Variants in DDX60L observed in about 807,000 individuals in gnomAD.
DDX60L encodes the protein DExD/H-box 60 like, also known as probable ATP-dependent RNA helicase DDX60-like.
DDX60L carries 191 observed loss-of-function variants against 211.6 expected under a neutral mutation model. The ratio of observed to expected loss-of-function variants is 0.90; its 90% CI spans 0.80 to 1.02. The LOEUF (loss-of-function observed/expected upper bound fraction) is 1.02, where lower values mean the gene tolerates loss of function less well. Among genes scored for constraint, DDX60L ranks in the 50% least tolerant of loss-of-function variants. The pLI is 0.00. For missense variants in DDX60L, 2,007 were observed against 1,984.1 expected (o/e 1.01, Z -0.22); for synonymous variants, 706 against 694.1 (o/e 1.02, Z -0.27).
rs750306081 is a variant in DDX60L, at chr4:168,361,207, G to A, written c.4933C>T (p.Arg1645Cys). ...AAACACTTTAAAAGCTGTCCCATAC[G>A]CATCCTAAAGAGAACAACATTTCTT... The part of the protein sequence containing the change: ...LTRLDQKNGM[R>C]MGQLLKCLKD... The change falls in exon 37 of 38, where the codon CGT (arginine) becomes TGT (cysteine). Residue 1645 changes from arginine to cysteine, a missense_variant. Coordinates refer to ENST00000682922, the MANE Select transcript of DDX60L (RefSeq NM_001012967.3). 12 of 1,575,408 alleles carry A rather than the reference G, an allele frequency of 7.6e-6. No individual in the cohort carries two copies. The Admixed American group carries it at 1.0e-4, about 13-fold the overall frequency.
At chr4:168,434,745 T>C (rs1579622464) in intron 10 of DDX60L, among the ~76,000 whole-genome samples, 1 of 152,210 alleles carries the variant, frequency 6.6e-6, no homozygotes, top group East Asian at 1.9e-4. Flanking sequence ...GGCATTCCAC[T>C]AAATTCTAAA....
chr4:168,439,775 T>A (rs1188860452), intron 10 of DDX60L, among the ~76,000 whole-genome samples: 1 of 152,228 alleles, frequency 6.6e-6, no homozygotes, highest in Non-Finnish European at 1.5e-5. Flanking sequence ...AGAACTACCA[T>A]AATCAACTTT....
At chr4:168,416,929 A>C (rs1181563677) in intron 19 of DDX60L, 132 bp from the exon 20 acceptor site, 42 of 499,782 alleles carry the variant, frequency 8.4e-5, no homozygotes, top group Non-Finnish European at 1.2e-4. Flanking sequence ...GAATGGTGAT[A>C]AATTCAGACA....
chr4:168,358,354 G>A, intron 37 of DDX60L, 78 bp from the exon 38 acceptor site: 1 of 1,096,682 alleles, frequency 9.1e-7, no homozygotes, highest in Non-Finnish European at 1.3e-6. Flanking sequence ...AAGGTTAGCA[G>A]AAGTAATTCC....
At chr4:168,449,652 C>CAAAAAAAAAAAAAGAAA (rs1278075854) in intron 8 of DDX60L, among the ~76,000 whole-genome samples, 1 of 7,936 alleles carries the variant, frequency 1.3e-4, no homozygotes, top group African/African-American at 6.1e-4. Context: ...AAAAAAAATG[C>CAAAAAAAAAAAAAGAAA]AAAAAAAAAA....
rs75254636 is a variant in DDX60L, at chr4:168,375,106, C to G, written c.4633+271G>C. Among the ~76,000 whole-genome samples the G allele has an allele frequency of 6.3e-3, 967 of 152,288 alleles. 12 individuals are homozygous for G. Among genetic ancestry groups the G allele is most frequent in the African/African-American group, 0.021 (883 of 41,576 alleles). On this transcript the variant is annotated intron_variant, in intron 34 of 37. Transcript: ENST00000682922. ...CCTGAACAGATAGGCAACTTTCCAT[C>G]AAAATGGTTCATGAATGACTTTTAT...
chr4:168,403,250 G>A (rs1747142482), intron 25 of DDX60L, among the ~76,000 whole-genome samples: 1 of 152,200 alleles, frequency 6.6e-6, no homozygotes, highest in Non-Finnish European at 1.5e-5. Flanking sequence ...ACGGACTTCG[G>A]ATGCGTAACA....
chr4:168,450,877 A>G (rs896848476), intron 8 of DDX60L, among the ~76,000 whole-genome samples: 1 of 152,200 alleles, frequency 6.6e-6, no homozygotes, highest in African/African-American at 2.4e-5. Flanking sequence ...ACAGCACTCC[A>G]GCCTGGGCAA....
chr4:168,370,531 G>A (rs545845390), intron 36 of DDX60L, among the ~76,000 whole-genome samples: 5 of 152,110 alleles, frequency 3.3e-5, no homozygotes, highest in African/African-American at 9.6e-5. Context: ...AGTAAGGTAC[G>A]TATAGTTAAC....
rs1036294524 is a variant in DDX60L, at chr4:168,432,871, T to G, written c.1400+139A>C. 3.7e-5 allele frequency: 19 copies of G among 515,086 alleles called. No individual in the cohort carries two copies. The African/African-American group carries it at 3.8e-4, about 10-fold the overall frequency. 31.9% of individuals were successfully genotyped at this position (515,086 alleles called of 1,614,324 possible). A position where few individuals can be genotyped will look rare whatever the true frequency, so the allele number is the denominator to read the frequency against. On this transcript the variant is annotated intron_variant, in intron 11 of 37. Transcript: ENST00000682922. Reference sequence around the variant, plus strand: ...TTGACATACTAGATGTTACAATCACTTAAATGTATTATAGTCACATTATAT... The same window carrying G: ...TTGACATACTAGATGTTACAATCACGTAAATGTATTATAGTCACATTATAT...
In DDX60L at chr4:168,371,764, C is replaced by A; in HGVS notation, c.4777-1G>T. The A allele has an allele frequency of 6.3e-7, 1 of 1,594,540 alleles. No homozygotes were observed. The highest frequency in any genetic ancestry group is 8.6e-7 in the Non-Finnish European group (1 of 1,166,616). ...TAACACCGACTGTGCGCAGGATGAC[C>A]TGAAGAAAGACATTTTCTATTACTT... On this transcript the variant is annotated splice_acceptor_variant, in intron 35 of 37. Transcript: ENST00000682922. LOFTEE classifies it high-confidence loss of function.
At chr4:168,379,077 AC>A (rs1742463775) in intron 32 of DDX60L, among the ~76,000 whole-genome samples, 1 of 152,144 alleles carries the variant, frequency 6.6e-6, no homozygotes, top group South Asian at 2.1e-4. Context: ...AAATCATATG[AC>A]CATCAGAAAC....
chr4:168,392,394 G>A (rs1305172080), intron 28 of DDX60L, among the ~76,000 whole-genome samples: 1 of 152,114 alleles, frequency 6.6e-6, no homozygotes, highest in Non-Finnish European at 1.5e-5. Flanking sequence ...ATTATTTAAT[G>A]ATAAAGAGTG....
intron 25 of DDX60L, among the ~76,000 whole-genome samples, chr4:168,403,442 T>G (rs1579410193): frequency 6.6e-6 from 1 of 152,342 alleles, no homozygotes; most frequent in East Asian, 1.9e-4. Context: ...TGGTTCTGAT[T>G]ATTAGAGTGG....
At chr4:168,468,898 A>T (rs1758369989) in intron 4 of DDX60L, 1 of 152,224 alleles carries the variant, frequency 6.6e-6, no homozygotes, top group Admixed American at 6.5e-5. Context: ...CTTGAAATAG[A>T]TTTAGCAAAA....
chr4:168,399,183 C>A (rs1278591603), intron 26 of DDX60L, among the ~76,000 whole-genome samples: 1 of 152,190 alleles, frequency 6.6e-6, no homozygotes, highest in Non-Finnish European at 1.5e-5. Context: ...AGACCTGTAA[C>A]ACAAACAGGG....
chr4:168,433,723 T>G (rs1752666441), intron 10 of DDX60L, among the ~76,000 whole-genome samples: 1 of 152,180 alleles, frequency 6.6e-6, no homozygotes, highest in African/African-American at 2.4e-5. Context: ...AATATCCTTT[T>G]GCCAATGTAT....
At chr4:168,402,632 T>C (rs1214210741) in intron 25 of DDX60L, among the ~76,000 whole-genome samples, 1 of 152,212 alleles carries the variant, frequency 6.6e-6, no homozygotes, top group Non-Finnish European at 1.5e-5. Flanking sequence ...CAGTTTAAGC[T>C]AAGATTTGAC....
rs747971581 is a variant in DDX60L at position 168,358,099 on chromosome 4, G to A, written c.*48C>T. On this transcript the variant is annotated 3_prime_UTR_variant, in exon 38 of 38. Coordinates refer to ENST00000682922, the MANE Select transcript of DDX60L (RefSeq NM_001012967.3). ...TGTAAGCTTAATTATATCTCTCCTT[G>A]CAAAGGGATAAATACCACATAATCA... 1.3e-6 allele frequency: 2 copies of A among 1,535,514 alleles called. No homozygotes were observed. The highest frequency in any genetic ancestry group is 1.2e-5 in the South Asian group (1 of 85,500).
Sources: gnomAD v4.1 joint callset for allele counts (sites outside exome capture counted in the v4.1 genomes callset) on GRCh38, gnomAD v4.1.1 for gene constraint, MANE v1.5 for transcripts, NCBI Gene and HGNC (gene_info 2026-07-23, HGNC 2026-07-21) for gene names.